Variants in NXN observed in about 807,000 individuals in gnomAD.
NXN encodes the protein nucleoredoxin 1.
A neutral mutation model predicts 48.6 loss-of-function variants in NXN; 16 were observed. That is an observed-to-expected ratio of 0.33 (90% CI 0.22 to 0.50). The LOEUF (loss-of-function observed/expected upper bound fraction) is 0.50. Ranked by LOEUF, NXN falls within the 20% of genes least tolerant of loss-of-function variation. NXN has a pLI of 0.98. For missense variants in NXN, 492 were observed against 605.5 expected, an observed-to-expected ratio of 0.81 and a Z score of 1.97; for synonymous variants, 281 against 269.6, an observed-to-expected ratio of 1.04 and a Z score of -0.41.
At position 828,590 on chromosome 17, in the gene NXN, T is replaced by G. The variant is rs556686147; in HGVS notation, c.361-2512A>C. On this transcript the variant is annotated intron_variant, in intron 1 of 7. Transcript: ENST00000336868. ...CTAATTTTTCTATTTTCAGTAGAGATAGGGTTTCGCCACATTGGCCAGGCT... is the reference window on the plus strand; with the variant it reads ...CTAATTTTTCTATTTTCAGTAGAGAGAGGGTTTCGCCACATTGGCCAGGCT... Among the ~76,000 whole-genome samples the G allele has an allele frequency of 1.3e-3, 177 of 140,358 alleles. 1 individual carries two copies. The highest frequency in any genetic ancestry group is 4.5e-3 in the African/African-American group (171 of 37,664). The allele number at this position is 140,358 out of a possible 152,430, so 92.1% of individuals were successfully genotyped here. A position where few individuals can be genotyped will look rare whatever the true frequency, so the allele number is the denominator to read the frequency against.
At chr17:941,895 G>A (rs1242095670) in intron 1 of NXN, among the ~76,000 whole-genome samples, 1 of 66,332 alleles carries the variant, frequency 1.5e-5, no homozygotes, top group Non-Finnish European at 3.2e-5. Context: ...CCAGGGCGCA[G>A]CCATGAACTC....
chr17:961,508 G>A (rs2069237290), intron 1 of NXN, among the ~76,000 whole-genome samples: 1 of 152,206 alleles, frequency 6.6e-6, no homozygotes, highest in Non-Finnish European at 1.5e-5. Context: ...ATATACAGCT[G>A]TAAGGAATCT....
chr17:943,538 C>T (rs1183557029), intron 1 of NXN, among the ~76,000 whole-genome samples: 10 of 152,170 alleles, frequency 6.6e-5, no homozygotes, highest in Admixed American at 4.6e-4. Flanking sequence ...AGAATATTAC[C>T]GGGCTGGGCA....
At chr17:896,857 A>AGGGGGGGGCGG in intron 1 of NXN, 2 of 577,954 alleles carry the variant, frequency 3.5e-6, no homozygotes, top group Non-Finnish European at 5.3e-6. Context: ...GGTCCTGACC[A>AGGGGGGGGCGG]CCCGCCCCCG....
chr17:840,797 G>A (rs751755299), intron 1 of NXN, among the ~76,000 whole-genome samples: 14 of 152,144 alleles, frequency 9.2e-5, no homozygotes, highest in African/African-American at 3.1e-4. Flanking sequence ...ATGGCAAGCC[G>A]GCTTCCATCC....
chr17:904,476 T>C (rs887157414), intron 1 of NXN, among the ~76,000 whole-genome samples: 3 of 152,128 alleles, frequency 2.0e-5, no homozygotes, highest in African/African-American at 7.2e-5. Context: ...TCAGCATTTT[T>C]CCCCTCCACT....
rs1913397939 is a variant in NXN at position 830,531 on chromosome 17, C to T, written c.361-4453G>A. Among the ~76,000 whole-genome samples the T allele has an allele frequency of 6.6e-6, 1 of 152,068 alleles. No homozygotes were observed. The highest frequency in any genetic ancestry group is 1.5e-5 in the Non-Finnish European group (1 of 68,020). Reference sequence around the variant, plus strand: ...ACGCCGCGGGAGGCCACCTGAGGCCCAAGAGCCCGTGTGGAGGCTGACTGC... The same window carrying T: ...ACGCCGCGGGAGGCCACCTGAGGCCTAAGAGCCCGTGTGGAGGCTGACTGC... On this transcript the variant is annotated intron_variant, in intron 1 of 7. Transcript: ENST00000336868. This position sits in a 1 kb window ranked among gnomAD's most constrained non-coding sequence, Gnocchi z 4.2.
At chr17:852,267 T>TCAGCCA (rs1411522916) in intron 1 of NXN, among the ~76,000 whole-genome samples, 242 of 152,158 alleles carry the variant, frequency 1.6e-3, no homozygotes, top group African/African-American at 5.6e-3. Context: ...AGAACCTGCC[T>TCAGCCA]CAGCCACAGC....
At chr17:804,037 A>G (rs1911348355) in intron 6 of NXN, 1 of 553,224 alleles carries the variant, frequency 1.8e-6, no homozygotes, top group African/African-American at 1.9e-5. Flanking sequence ...GCTCCCCAGG[A>G]GGAACCTGCC....
At chr17:835,574 G>T (rs1197135540) in intron 1 of NXN, among the ~76,000 whole-genome samples, 1 of 152,174 alleles carries the variant, frequency 6.6e-6, no homozygotes, top group African/African-American at 2.4e-5. Context: ...AGGAATGCAG[G>T]CCAGAAACGC....
chr17:875,206 GTGTT>G (rs987966061), intron 1 of NXN, among the ~76,000 whole-genome samples: 2 of 151,774 alleles, frequency 1.3e-5, no homozygotes, highest in African/African-American at 4.8e-5. Context: ...TAACTTTTGT[GTGTT>G]TAACAGAGAC....
At chr17:953,898 T>C (rs2069139005) in intron 1 of NXN, among the ~76,000 whole-genome samples, 1 of 152,190 alleles carries the variant, frequency 6.6e-6, no homozygotes, top group South Asian at 2.1e-4. Context: ...ACCGTGCCAC[T>C]GCACCCCAGC....
At chr17:846,065 G>A (rs2067857086) in intron 1 of NXN, among the ~76,000 whole-genome samples, 1 of 151,454 alleles carries the variant, frequency 6.6e-6, no homozygotes, top group South Asian at 2.1e-4. Flanking sequence ...CTGGGGGACA[G>A]AGCGAGACTG....
In NXN at chr17:836,224, A is replaced by G. The variant is rs891330948; in HGVS notation, c.361-10146T>C. Among the ~76,000 whole-genome samples, 6 of 152,292 alleles carry G rather than the reference A, an allele frequency of 3.9e-5. No homozygotes were observed. The South Asian group carries it at 1.2e-3, about 32-fold the overall frequency. ...TCCCAGTTCCCGAGAGCAACATGGA[A>G]TCTGCCCCCGCATGCTAAGGACCAG... On this transcript the variant is annotated intron_variant, in intron 1 of 7. Coordinates refer to ENST00000336868, the MANE Select transcript of NXN (RefSeq NM_022463.5).
chr17:974,078 G>A (rs1004273456), intron 1 of NXN, among the ~76,000 whole-genome samples: 2 of 151,786 alleles, frequency 1.3e-5, no homozygotes, highest in Admixed American at 6.6e-5. Context: ...TGCCGGGCGC[G>A]GTGGCTCATG....
intron 1 of NXN, among the ~76,000 whole-genome samples, chr17:955,695 G>A (rs1257415367): frequency 1.3e-5 from 2 of 150,756 alleles, no homozygotes; most frequent in Non-Finnish European, 3.0e-5. Flanking sequence ...AGGAGATTGA[G>A]ACCATCCTGG....
chr17:900,996 T>C (rs555501471), intron 1 of NXN, among the ~76,000 whole-genome samples: 10 of 151,028 alleles, frequency 6.6e-5, no homozygotes, highest in Non-Finnish European at 1.0e-4. Flanking sequence ...TCTTGGTTCA[T>C]TGCAACCTCC....
At chr17:960,788 A>ATTT (rs1159400723) in intron 1 of NXN, among the ~76,000 whole-genome samples, 16,783 of 138,040 alleles carry the variant, frequency 0.12, 3,093 homozygotes, top group African/African-American at 0.4. Context: ...AATTAACTCG[A>ATTT]TTTTTTTTTT....
At chr17:941,365 C>A (rs1281144315) in intron 1 of NXN, among the ~76,000 whole-genome samples, 1 of 148,662 alleles carries the variant, frequency 6.7e-6, no homozygotes, top group African/African-American at 2.5e-5. Flanking sequence ...TTACAGTGAA[C>A]AAGATTCCAG....
Sources: allele counts gnomAD v4.1 joint callset (sites outside exome capture counted in the v4.1 genomes callset), GRCh38; gene constraint gnomAD v4.1.1; non-coding constraint Gnocchi (gnomAD v3.1); transcripts MANE v1.5; gene names NCBI Gene and HGNC (gene_info 2026-07-23, HGNC 2026-07-21).